The following GUCY1A2 variants were observed in gnomAD, a reference collection of about 807,000 sequenced individuals.
The protein encoded by GUCY1A2 is guanylate cyclase 1 soluble subunit alpha 2.
GUCY1A2 carries 27 observed loss-of-function variants against 63.5 expected under a neutral mutation model. The ratio of observed to expected loss-of-function variants is 0.43; its 90% confidence interval spans 0.31 to 0.59. GUCY1A2 has a LOEUF of 0.59. GUCY1A2 is among the 20% of genes least tolerant of loss of function. The probability of loss-of-function intolerance (pLI) is 0.11; values close to 1 mark genes in which losing one functional copy is unlikely to be tolerated. For synonymous variants in GUCY1A2, 364 were observed against 343.5 expected, an observed-to-expected ratio of 1.06 and a Z score of -0.66; for missense variants, 768 against 913.3, an observed-to-expected ratio of 0.84 and a Z score of 2.05.
At chr11:106,788,897 C>G (rs1191950198) in intron 5 of GUCY1A2, among the ~76,000 whole-genome samples, 1 of 152,044 alleles carries the variant, frequency 6.6e-6, no homozygotes, top group Non-Finnish European at 1.5e-5. Context: ...TTTTGTGATT[C>G]TGTATACATT....
intron 4 of GUCY1A2, among the ~76,000 whole-genome samples, chr11:106,901,811 T>C (rs967768886): frequency 6.6e-6 from 1 of 152,186 alleles, no homozygotes; most frequent in Non-Finnish European, 1.5e-5. Flanking sequence ...ACAACGGACA[T>C]GAACTCATCC....
chr11:106,790,622 T>TGCTTA (rs1369839495), intron 5 of GUCY1A2, among the ~76,000 whole-genome samples: 1 of 151,712 alleles, frequency 6.6e-6, no homozygotes, highest in African/African-American at 2.4e-5. Context: ...CAGTGCATCT[T>TGCTTA]AGAGTCTTGC....
chr11:106,698,618 A>C (rs940203787), intron 7 of GUCY1A2, among the ~76,000 whole-genome samples: 16 of 152,258 alleles, frequency 1.1e-4, no homozygotes, highest in Admixed American at 3.3e-4. Context: ...ATTTGTCAAA[A>C]CTAAGAAATT....
intron 2 of GUCY1A2, among the ~76,000 whole-genome samples, chr11:106,979,484 T>G (rs901243285): frequency 4.1e-5 from 6 of 146,608 alleles, no homozygotes; most frequent in Non-Finnish European, 9.0e-5. Flanking sequence ...AAGAAGAAGA[T>G]AGCAGTATGG....
chr11:106,693,625 G>GACCT (rs1862665868), intron 7 of GUCY1A2, among the ~76,000 whole-genome samples: 1 of 152,056 alleles, frequency 6.6e-6, no homozygotes, highest in South Asian at 2.1e-4. Flanking sequence ...GTCAGACATT[G>GACCT]ACCTGGTAAA....
chr11:106,855,130 C>T (rs1045786799), intron 4 of GUCY1A2, among the ~76,000 whole-genome samples: 4 of 152,008 alleles, frequency 2.6e-5, no homozygotes, highest in East Asian at 1.9e-4. Flanking sequence ...GCTTTGGTCT[C>T]GGGGAGTGAG....
intron 6 of GUCY1A2, among the ~76,000 whole-genome samples, chr11:106,711,803 C>A (rs1404640548): frequency 6.6e-6 from 1 of 152,088 alleles, no homozygotes; most frequent in East Asian, 1.9e-4. Flanking sequence ...GATACTTTCA[C>A]TGCATATTGA....
chr11:106,695,721 T>G (rs868269164), intron 7 of GUCY1A2, among the ~76,000 whole-genome samples: 12 of 152,270 alleles, frequency 7.9e-5, no homozygotes, highest in Admixed American at 3.9e-4. Flanking sequence ...AATGCAGTGA[T>G]TCATTCTCTG....
chr11:106,816,164 C>G (rs7104165), intron 4 of GUCY1A2, among the ~76,000 whole-genome samples: 1 of 85,958 alleles, frequency 1.2e-5, no homozygotes. Flanking sequence ...AATACTCTTT[C>G]TTTAAAAAAA....
intron 4 of GUCY1A2, among the ~76,000 whole-genome samples, chr11:106,848,555 C>A (rs1158838035): frequency 3.3e-5 from 5 of 151,732 alleles, no homozygotes; most frequent in Non-Finnish European, 7.4e-5. Flanking sequence ...ATTTTGGAAG[C>A]ACCCCAAAGT....
intron 3 of GUCY1A2, among the ~76,000 whole-genome samples, chr11:106,969,373 A>C (rs543192576): frequency 6.6e-6 from 1 of 152,328 alleles, no homozygotes; most frequent in East Asian, 1.9e-4. Context: ...AATGCTATTA[A>C]AATTTGTAGT....
intron 4 of GUCY1A2, among the ~76,000 whole-genome samples, chr11:106,922,301 A>C (rs1860455056): frequency 6.6e-6 from 1 of 152,088 alleles, no homozygotes. Flanking sequence ...TGCCCTCCAA[A>C]CATAGGATAA....
chr11:106,925,117 T>C (rs555628122), intron 4 of GUCY1A2, among the ~76,000 whole-genome samples: 1 of 152,132 alleles, frequency 6.6e-6, no homozygotes, highest in South Asian at 2.1e-4. Flanking sequence ...TTGCATTCCA[T>C]ACTTATCAAA....
intron 4 of GUCY1A2, among the ~76,000 whole-genome samples, chr11:106,894,759 G>C (rs1194228129): frequency 6.6e-6 from 1 of 152,096 alleles, no homozygotes; most frequent in African/African-American, 2.4e-5. Context: ...GTGATTCAGT[G>C]AAAGAGTGCA....
Position 106,733,557 on chromosome 11 carries a change from C to T in GUCY1A2, c.1837-24891G>A, listed in dbSNP as rs143197887. ...AAAGTAATTACTTTTTATTAAAATG[C>T]GATGAAATTTTAAGTCTAGTTTATG... On this transcript the variant is annotated intron_variant, in intron 6 of 7. Transcript: ENST00000526355. Among the ~76,000 whole-genome samples the T allele has an allele frequency of 3.0e-4, 45 of 152,064 alleles. 1 individual carries two copies. Among genetic ancestry groups the T allele is most frequent in the East Asian group, 9.7e-4 (5 of 5,170 alleles).
rs536700809 is a variant in GUCY1A2, at chr11:107,009,370, G to A, written c.303+8383C>T. 3.3e-5 allele frequency among the ~76,000 whole-genome samples: 5 copies of A among 152,236 alleles called. No homozygotes were observed. The South Asian group carries it at 1.0e-3, about 32-fold the overall frequency. ...ATCACTCCTCCAAAATGAACCAGTA[G>A]ATGGAGCATTTGAGAAATGTTGTGT... is the stretch of plus-strand genomic sequence containing the variant. On this transcript the variant is annotated intron_variant, in intron 1 of 7. Transcript: ENST00000526355.
chr11:106,978,347 A>G (rs998156563), intron 3 of GUCY1A2, among the ~76,000 whole-genome samples: 1 of 152,194 alleles, frequency 6.6e-6, no homozygotes, highest in Non-Finnish European at 1.5e-5. Flanking sequence ...GATTATACAG[A>G]GCTAATACTA....
chr11:106,784,572 GGCATAA>G (rs1864524511), intron 5 of GUCY1A2, among the ~76,000 whole-genome samples: 1 of 152,026 alleles, frequency 6.6e-6, no homozygotes, highest in Admixed American at 6.6e-5. Flanking sequence ...TTGGCATCTG[GGCATAA>G]GCATAAGCAT....
chr11:106,701,773 G>C (rs985248234), intron 7 of GUCY1A2, among the ~76,000 whole-genome samples: 3 of 152,144 alleles, frequency 2.0e-5, no homozygotes, highest in African/African-American at 7.2e-5. Context: ...TAGAAGAGCA[G>C]AGTTTGAATG....
Sources: allele counts gnomAD v4.1 joint callset (sites outside exome capture counted in the v4.1 genomes callset), GRCh38; gene constraint gnomAD v4.1.1; transcripts MANE v1.5; gene names NCBI Gene and HGNC (gene_info 2026-07-23, HGNC 2026-07-21).